Variants in PLCB1 observed in about 807,000 individuals in gnomAD.
PLCB1 encodes the protein 1-phosphatidylinositol 4,5-bisphosphate phosphodiesterase beta-1.
PLCB1 carries 46 observed loss-of-function variants against 161.8 expected under a neutral mutation model. That is an observed-to-expected ratio of 0.28 (90% CI 0.22 to 0.36). PLCB1 has a LOEUF of 0.36. Among genes scored for constraint, PLCB1 ranks in the 10% least tolerant of loss-of-function variants. The pLI, the probability that PLCB1 is intolerant of heterozygous loss-of-function variation, is 1.00. For missense variants in PLCB1, 1,016 were observed against 1,472.5 expected (o/e 0.69, Z 5.07); for synonymous variants, 517 against 503.7 (o/e 1.03, Z -0.35).
chr20:8,324,514 T>C (rs1012208774), intron 2 of PLCB1, among the ~76,000 whole-genome samples: 3 of 152,184 alleles, frequency 2.0e-5, no homozygotes, highest in African/African-American at 7.2e-5. Flanking sequence ...GTTTGTTAAA[T>C]GAATGAGATC....
chr20:8,156,394 C>T (rs1180644737), intron 2 of PLCB1, among the ~76,000 whole-genome samples: 1 of 152,202 alleles, frequency 6.6e-6, no homozygotes, highest in Non-Finnish European at 1.5e-5. Flanking sequence ...CACTTCTCCA[C>T]TCCTGATTGT....
At chr20:8,798,913 C>G (rs1193363608) in intron 31 of PLCB1, among the ~76,000 whole-genome samples, 1 of 152,132 alleles carries the variant, frequency 6.6e-6, no homozygotes, top group Admixed American at 6.6e-5. Flanking sequence ...TACTCTGTGT[C>G]TCTTGAAAAA....
chr20:8,415,777 G>A (rs574211930), intron 3 of PLCB1, among the ~76,000 whole-genome samples: 1 of 152,266 alleles, frequency 6.6e-6, no homozygotes, highest in Non-Finnish European at 1.5e-5. Flanking sequence ...CTTATGTAAT[G>A]GGATCCTACC....
intron 17 of PLCB1, among the ~76,000 whole-genome samples, 160 bp from the exon 18 acceptor site, chr20:8,728,890 T>G (rs537463763): frequency 5.3e-5 from 8 of 152,266 alleles, no homozygotes; most frequent in African/African-American, 1.4e-4. Flanking sequence ...CTATTTAATT[T>G]CTTTCATAAA....
chr20:8,201,706 C>T (rs2052093040), intron 2 of PLCB1, among the ~76,000 whole-genome samples: 1 of 152,132 alleles, frequency 6.6e-6, no homozygotes, highest in Non-Finnish European at 1.5e-5. Flanking sequence ...CATACTGAAG[C>T]AAGTTATAGA....
rs1988062140 is a variant in PLCB1 at position 8,883,370 on chromosome 20, T to C, written c.*1521T>C. The C allele has an allele frequency of 6.6e-6, 1 of 152,068 alleles. No individual in the cohort carries two copies. Among genetic ancestry groups the C allele is most frequent in the Non-Finnish European group, 1.5e-5 (1 of 67,990 alleles). 9.4% of individuals were successfully genotyped at this position (152,068 alleles called of 1,614,324 possible). On this transcript the variant is annotated 3_prime_UTR_variant, in exon 32 of 32. Transcript: ENST00000338037. ...GAAACAAATTATATCAAGGTAAAAC[T>C]GATCAAAAGCATAATTGAAAGTTCT...
At chr20:8,228,230 C>A (rs898243163) in intron 2 of PLCB1, among the ~76,000 whole-genome samples, 39 of 151,986 alleles carry the variant, frequency 2.6e-4, no homozygotes, top group African/African-American at 8.0e-4. Context: ...TCGGCCCATA[C>A]AATTTTTACC....
intron 3 of PLCB1, among the ~76,000 whole-genome samples, chr20:8,601,906 C>T (rs1461412786): frequency 2.0e-5 from 3 of 152,140 alleles, no homozygotes; most frequent in South Asian, 2.1e-4. Flanking sequence ...GGAAGTGTTG[C>T]GGCTGTTTTC....
chr20:8,783,017 A>T (rs1983314614), intron 27 of PLCB1, among the ~76,000 whole-genome samples: 1 of 152,184 alleles, frequency 6.6e-6, no homozygotes, highest in Non-Finnish European at 1.5e-5. Context: ...AACCAAGTGA[A>T]ATTTAGCAGA....
At position 8,581,004 on chromosome 20, in the gene PLCB1, C is replaced by T. The variant is rs143911415; in HGVS notation, c.247-47290C>T. 2.9e-3 allele frequency among the ~76,000 whole-genome samples: 449 copies of T among 152,276 alleles called. 2 individuals are homozygous for T. The highest frequency in any genetic ancestry group is 0.01 in the African/African-American group (430 of 41,546). Reference sequence around the variant, plus strand: ...GTAAGACATTAGGCTAATCCAGAAGCAGGTTGTGATCAAGGAGGAGCTCAA... The same window carrying T: ...GTAAGACATTAGGCTAATCCAGAAGTAGGTTGTGATCAAGGAGGAGCTCAA... On this transcript the variant is annotated intron_variant, in intron 3 of 31. Coordinates refer to ENST00000338037, the MANE Select transcript of PLCB1 (RefSeq NM_015192.4).
intron 3 of PLCB1, among the ~76,000 whole-genome samples, chr20:8,518,167 G>A (rs894411588): frequency 1.3e-5 from 2 of 150,800 alleles, no homozygotes; most frequent in Non-Finnish European, 3.0e-5. Flanking sequence ...GGTGACAGAG[G>A]GAGACTCTGT....
intron 19 of PLCB1, among the ~76,000 whole-genome samples, 190 bp downstream of exon 19, chr20:8,733,582 C>T (rs1980387434): frequency 6.8e-6 from 1 of 147,650 alleles, no homozygotes; most frequent in Non-Finnish European, 1.5e-5. Flanking sequence ...TCTCATTGTT[C>T]AATTCCCATC....
intron 10 of PLCB1, among the ~76,000 whole-genome samples, chr20:8,689,181 A>G (rs1990420146): frequency 6.6e-6 from 1 of 151,816 alleles, no homozygotes; most frequent in East Asian, 1.9e-4. Context: ...ACTGATTTGA[A>G]TATATTAATC....
intron 3 of PLCB1, among the ~76,000 whole-genome samples, chr20:8,611,070 G>A (rs1987891909): frequency 6.6e-6 from 1 of 151,810 alleles, no homozygotes; most frequent in South Asian, 2.1e-4. Context: ...ATTTATATTA[G>A]TAAGGAAATT....
At chr20:8,691,551 C>T (rs1413133357) in intron 10 of PLCB1, among the ~76,000 whole-genome samples, 2 of 151,998 alleles carry the variant, frequency 1.3e-5, no homozygotes, top group East Asian at 1.9e-4. Flanking sequence ...TTGTCACCAC[C>T]CAACTTATTT....
chr20:8,167,869 C>T (rs1002869416), intron 2 of PLCB1, among the ~76,000 whole-genome samples: 2 of 152,102 alleles, frequency 1.3e-5, no homozygotes, highest in Admixed American at 1.3e-4. Context: ...CAATCTGGTG[C>T]AGGCTCTGGG....
intron 2 of PLCB1, among the ~76,000 whole-genome samples, chr20:8,332,592 A>G (rs1429776586): frequency 6.6e-6 from 1 of 152,210 alleles, no homozygotes; most frequent in Non-Finnish European, 1.5e-5. Flanking sequence ...GAAAATGGAG[A>G]TGCGGAAAGA....
chr20:8,640,813 C>T (rs758071488), intron 4 of PLCB1, among the ~76,000 whole-genome samples: 4 of 152,196 alleles, frequency 2.6e-5, no homozygotes, highest in Non-Finnish European at 5.9e-5. Flanking sequence ...CAGAAACAAA[C>T]ATCTCTCCGT....
chr20:8,444,636 A>T (rs1980730982), intron 3 of PLCB1, among the ~76,000 whole-genome samples: 1 of 152,202 alleles, frequency 6.6e-6, no homozygotes, highest in Non-Finnish European at 1.5e-5. Context: ...TGTCTTCCAC[A>T]ATGGTTGAAC....
Sources: allele counts gnomAD v4.1 joint callset (sites outside exome capture counted in the v4.1 genomes callset), GRCh38; gene constraint gnomAD v4.1.1; transcripts MANE v1.5; gene names NCBI Gene and HGNC (gene_info 2026-07-23, HGNC 2026-07-21).